Variants in SORCS3 observed in about 807,000 individuals in gnomAD.
SORCS3 encodes the protein sortilin related VPS10 domain containing receptor 3.
A neutral mutation model predicts 146.3 loss-of-function variants in SORCS3; 57 were observed. That is an observed-to-expected ratio of 0.39 (90% confidence interval 0.31 to 0.49). The LOEUF (loss-of-function observed/expected upper bound fraction) is 0.49, where lower values mean the gene tolerates loss of function less well. SORCS3 is among the 20% of genes least tolerant of loss of function. The pLI is 0.92. For synonymous variants in SORCS3, 653 were observed against 618.5 expected, an observed-to-expected ratio of 1.06 and a Z score of -0.83; for missense variants, 1,341 against 1,575.5, an observed-to-expected ratio of 0.85 and a Z score of 2.52.
At chr10:104,662,963 A>T (rs1405757640) in intron 1 of SORCS3, among the ~76,000 whole-genome samples, 2 of 152,296 alleles carry the variant, frequency 1.3e-5, no homozygotes, top group African/African-American at 4.8e-5. Context: ...ACTTCATGGG[A>T]GGAAAAAGAA....
At chr10:104,661,148 C>T (rs1398353710) in intron 1 of SORCS3, among the ~76,000 whole-genome samples, 5 of 152,166 alleles carry the variant, frequency 3.3e-5, no homozygotes, top group Non-Finnish European at 5.9e-5. Context: ...TCTTCTTCAG[C>T]ATCTGAGCAA....
intron 6 of SORCS3, among the ~76,000 whole-genome samples, chr10:105,104,770 CACATGATGCTA>C (rs961272923): frequency 6.6e-6 from 1 of 152,196 alleles, no homozygotes; most frequent in African/African-American, 2.4e-5. Context: ...GATCATACTA[CACATGATGCTA>C]ACTAATTTTT....
At chr10:104,747,776 C>T (rs1386856230) in intron 1 of SORCS3, among the ~76,000 whole-genome samples, 1 of 152,196 alleles carries the variant, frequency 6.6e-6, no homozygotes, top group Non-Finnish European at 1.5e-5. Flanking sequence ...AAATATGTAA[C>T]AACTCCTGGA....
intron 5 of SORCS3, among the ~76,000 whole-genome samples, chr10:105,070,077 CCTT>C (rs2055547125): frequency 6.6e-6 from 1 of 152,196 alleles, no homozygotes; most frequent in South Asian, 2.1e-4. Flanking sequence ...TACATATACT[CCTT>C]CTAAATAATG....
chr10:105,198,089 C>A (rs2056554177), intron 14 of SORCS3, among the ~76,000 whole-genome samples: 1 of 152,146 alleles, frequency 6.6e-6, no homozygotes, highest in Non-Finnish European at 1.5e-5. Flanking sequence ...CTATGACAGA[C>A]CCTGTTCAAA....
intron 2 of SORCS3, among the ~76,000 whole-genome samples, chr10:104,911,372 T>C (rs2018964775): frequency 6.6e-6 from 1 of 152,226 alleles, no homozygotes; most frequent in South Asian, 2.1e-4. Context: ...GGGTGTCCTT[T>C]GTTGGGCAGT....
At chr10:104,662,573 G>A (rs577756874) in intron 1 of SORCS3, among the ~76,000 whole-genome samples, 2 of 152,236 alleles carry the variant, frequency 1.3e-5, no homozygotes, top group Non-Finnish European at 2.9e-5. Flanking sequence ...AGCCAGGGAA[G>A]CAAGGCCTCA....
intron 3 of SORCS3, among the ~76,000 whole-genome samples, chr10:104,930,092 A>G (rs1210743624): frequency 3.3e-5 from 5 of 152,226 alleles, no homozygotes; most frequent in African/African-American, 7.2e-5. Context: ...AGAAAACGAT[A>G]AACGATCAGA....
chr10:104,780,700 G>C (rs927783766), intron 1 of SORCS3, among the ~76,000 whole-genome samples: 2 of 152,184 alleles, frequency 1.3e-5, no homozygotes, highest in African/African-American at 2.4e-5. Flanking sequence ...CTGAATTATG[G>C]CTCTGAAACC....
rs557197262 is a variant in SORCS3 at position 104,754,523 on chromosome 10, A to G, written c.628-88269A>G. On this transcript the variant is annotated intron_variant, in intron 1 of 26. Transcript: ENST00000369701. ...ACACAAAGTCCAGAATAGGGGGGGA[A>G]AAACTTTACCCCCCTGGCGTTTTTG... Among the ~76,000 whole-genome samples, 198 of 152,266 alleles carry G rather than the reference A, an allele frequency of 1.3e-3. 2 individuals are homozygous for G. The highest frequency in any genetic ancestry group is 4.6e-3 in the African/African-American group (191 of 41,552).
intron 4 of SORCS3, among the ~76,000 whole-genome samples, chr10:105,032,029 C>T (rs1239779829): frequency 6.6e-6 from 1 of 152,060 alleles, no homozygotes; most frequent in African/African-American, 2.4e-5. Flanking sequence ...CCCGTCTGTA[C>T]TAAAAATACA....
intron 1 of SORCS3, among the ~76,000 whole-genome samples, chr10:104,723,465 G>A (rs934987015): frequency 6.6e-6 from 1 of 152,144 alleles, no homozygotes; most frequent in South Asian, 2.1e-4. Context: ...TTTGATTTGG[G>A]GTGGAGAGTG....
At chr10:104,675,916 G>A (rs575532810) in intron 1 of SORCS3, among the ~76,000 whole-genome samples, 1 of 152,232 alleles carries the variant, frequency 6.6e-6, no homozygotes, top group Non-Finnish European at 1.5e-5. Context: ...TAGGATTTTA[G>A]GGTAGGATTA....
chr10:104,725,104 GT>G, intron 1 of SORCS3, among the ~76,000 whole-genome samples: 1 of 152,224 alleles, frequency 6.6e-6, no homozygotes, highest in South Asian at 2.1e-4. Context: ...CATCTTTGTG[GT>G]TTTATCTACC....
chr10:104,686,579 G>C (rs962665670), intron 1 of SORCS3, among the ~76,000 whole-genome samples: 3 of 152,052 alleles, frequency 2.0e-5, no homozygotes, highest in Non-Finnish European at 4.4e-5. Flanking sequence ...GGAACCCTGG[G>C]GGAGAGCCAT....
At chr10:104,645,702 GAGCGTA>G (rs1186035577) in intron 1 of SORCS3, among the ~76,000 whole-genome samples, 1 of 152,204 alleles carries the variant, frequency 6.6e-6, no homozygotes, top group East Asian at 1.9e-4. Flanking sequence ...ACCCTGCCCT[GAGCGTA>G]CTAGTAGGTG....
At chr10:104,860,544 A>C (rs1045451474) in intron 2 of SORCS3, among the ~76,000 whole-genome samples, 4 of 151,744 alleles carry the variant, frequency 2.6e-5, no homozygotes, top group Non-Finnish European at 4.4e-5. Flanking sequence ...CATTGTACAC[A>C]TATACCCTAA....
At chr10:105,089,592 A>G (rs1489119310) in intron 5 of SORCS3, among the ~76,000 whole-genome samples, 183 bp from the exon 6 acceptor site, 2 of 152,224 alleles carry the variant, frequency 1.3e-5, no homozygotes, top group African/African-American at 4.8e-5. Context: ...TACAGATGAC[A>G]GTTCCTTGGA....
intron 5 of SORCS3, among the ~76,000 whole-genome samples, chr10:105,055,198 A>G (rs766298249): frequency 6.6e-6 from 1 of 152,166 alleles, no homozygotes; most frequent in Non-Finnish European, 1.5e-5. Flanking sequence ...GTAAGTAAAG[A>G]CATGTTGCAC....
Sources: gnomAD v4.1 joint callset for allele counts (sites outside exome capture counted in the v4.1 genomes callset) on GRCh38, gnomAD v4.1.1 for gene constraint, MANE v1.5 for transcripts, NCBI Gene and HGNC (gene_info 2026-07-23, HGNC 2026-07-21) for gene names.